NLGN1: variants seen among roughly 807,000 people sequenced by gnomAD.
NLGN1 encodes the protein neuroligin 1.
In NLGN1, 12 loss-of-function variants were observed where a neutral mutation model predicts 65.5. The ratio of observed to expected loss-of-function variants is 0.18; its 90% CI spans 0.12 to 0.30. The LOEUF (loss-of-function observed/expected upper bound fraction) is 0.30. NLGN1 is among the 10% of genes least tolerant of loss of function. The probability of loss-of-function intolerance (pLI) is 1.00; values close to 1 mark genes in which losing one functional copy is unlikely to be tolerated. For missense variants in NLGN1, 750 were observed against 1,007.1 expected (o/e 0.74, Z 3.46); for synonymous variants, 350 against 359.5 (o/e 0.97, Z 0.30).
chr3:173,483,142 A>G (rs1411062542), intron 2 of NLGN1, among the ~76,000 whole-genome samples: 2 of 152,008 alleles, frequency 1.3e-5, no homozygotes, highest in African/African-American at 4.8e-5. Flanking sequence ...AAGCTCCTCA[A>G]TAATTGAACA....
At chr3:174,024,154 A>AAC (rs1728357480) in intron 4 of NLGN1, among the ~76,000 whole-genome samples, 1 of 151,528 alleles carries the variant, frequency 6.6e-6, no homozygotes, top group South Asian at 2.1e-4. Flanking sequence ...AAAAAAAAAA[A>AAC]AAAAAAAAAA....
intron 2 of NLGN1, among the ~76,000 whole-genome samples, chr3:173,524,086 A>T (rs1309608059): frequency 1.4e-5 from 2 of 146,282 alleles, no homozygotes; most frequent in African/African-American, 4.9e-5. Flanking sequence ...ACGCTCAGCT[A>T]ATTTTTTTTT....
chr3:173,889,711 A>G (rs1257827007), intron 4 of NLGN1, among the ~76,000 whole-genome samples: 1 of 152,156 alleles, frequency 6.6e-6, no homozygotes, highest in Middle Eastern at 3.2e-3. Context: ...CGACCATGAT[A>G]GTTGTTTGCC....
intron 4 of NLGN1, among the ~76,000 whole-genome samples, chr3:174,096,158 G>T (rs1745482267): frequency 6.6e-6 from 1 of 150,516 alleles, no homozygotes; most frequent in Admixed American, 6.6e-5. Flanking sequence ...AGACAAAAAT[G>T]GAATTAATGT....
intron 4 of NLGN1, among the ~76,000 whole-genome samples, chr3:174,110,907 T>TCCTCACC (rs2152617018): frequency 6.6e-6 from 1 of 152,056 alleles, no homozygotes; most frequent in Non-Finnish European, 1.5e-5. Context: ...GAACAATCTC[T>TCCTCACC]CTATGGCCTT....
chr3:173,534,868 T>G (rs984927478), intron 2 of NLGN1, among the ~76,000 whole-genome samples: 2 of 152,208 alleles, frequency 1.3e-5, no homozygotes, highest in Admixed American at 1.3e-4. Context: ...CCCTGCAACA[T>G]TCAACATAAA....
At chr3:174,033,864 A>T (rs1177114678) in intron 4 of NLGN1, among the ~76,000 whole-genome samples, 1 of 152,154 alleles carries the variant, frequency 6.6e-6, no homozygotes, top group African/African-American at 2.4e-5. Context: ...GGGAAGAAAG[A>T]GAGAATGGAG....
chr3:173,945,572 TA>T (rs1230740606), intron 4 of NLGN1, among the ~76,000 whole-genome samples: 1 of 152,196 alleles, frequency 6.6e-6, no homozygotes, highest in African/African-American at 2.4e-5. Context: ...TTTTCCCCTG[TA>T]AGAAATATGT....
intron 4 of NLGN1, among the ~76,000 whole-genome samples, chr3:174,131,264 TAG>T (rs1401871238): frequency 2.6e-5 from 4 of 152,196 alleles, no homozygotes; most frequent in Non-Finnish European, 1.5e-5. Flanking sequence ...CTGACAATAA[TAG>T]ACTTTTTATG....
At chr3:173,772,201 T>A (rs1322905829) in intron 3 of NLGN1, among the ~76,000 whole-genome samples, 4 of 152,318 alleles carry the variant, frequency 2.6e-5, no homozygotes, top group African/African-American at 9.6e-5. Flanking sequence ...TTACCTTTAA[T>A]AGTGTATGGT....
chr3:173,917,232 A>G (rs1341280801), intron 4 of NLGN1, among the ~76,000 whole-genome samples: 2 of 152,230 alleles, frequency 1.3e-5, no homozygotes, highest in African/African-American at 2.4e-5. Flanking sequence ...TAATAAAGGA[A>G]GATTACAAAG....
At chr3:173,858,895 G>A (rs73035414) in intron 4 of NLGN1, among the ~76,000 whole-genome samples, 2,353 of 152,056 alleles carry the variant, frequency 0.015, 65 homozygotes, top group African/African-American at 0.051. Context: ...TCACAACCAT[G>A]GAAACCACAT....
At chr3:173,445,836 C>T (rs1720167310) in intron 2 of NLGN1, among the ~76,000 whole-genome samples, 1 of 152,162 alleles carries the variant, frequency 6.6e-6, no homozygotes, top group African/African-American at 2.4e-5. Context: ...CACTGACCAA[C>T]CTCAGATAAG....
chr3:173,787,276 A>C (rs1782142725), intron 3 of NLGN1, among the ~76,000 whole-genome samples: 1 of 152,224 alleles, frequency 6.6e-6, no homozygotes, highest in Admixed American at 6.5e-5. Context: ...TTTAAATTTT[A>C]ATACAGCTGT....
At chr3:173,681,412 A>G (rs1763923895) in intron 3 of NLGN1, among the ~76,000 whole-genome samples, 1 of 152,124 alleles carries the variant, frequency 6.6e-6, no homozygotes, top group Admixed American at 6.6e-5. Context: ...ACTCTAAATA[A>G]TATATCTCTG....
chr3:174,138,894 A>C (rs1211446070), intron 4 of NLGN1, among the ~76,000 whole-genome samples: 1 of 152,216 alleles, frequency 6.6e-6, no homozygotes, highest in Non-Finnish European at 1.5e-5. Flanking sequence ...TGAAGGTAAA[A>C]AAATTAAATT....
chr3:174,266,224 G>T (rs1218215275), intron 4 of NLGN1, among the ~76,000 whole-genome samples: 2 of 151,986 alleles, frequency 1.3e-5, no homozygotes, highest in African/African-American at 2.4e-5. Context: ...CCACCCTGAA[G>T]TAGGCCCTGG....
At chr3:173,428,598 T>C (rs542214859) in intron 1 of NLGN1, among the ~76,000 whole-genome samples, 2 of 152,208 alleles carry the variant, frequency 1.3e-5, no homozygotes, top group East Asian at 1.9e-4. Context: ...TTTATCTTTA[T>C]ATATTCCTAT....
chr3:173,932,008 A>AT (rs1270310092), intron 4 of NLGN1, among the ~76,000 whole-genome samples: 1 of 151,430 alleles, frequency 6.6e-6, no homozygotes, highest in Non-Finnish European at 1.5e-5. Flanking sequence ...TTTTGTTTTA[A>AT]TTTTTTTTCT....
Sources: allele counts gnomAD v4.1 joint callset (sites outside exome capture counted in the v4.1 genomes callset), GRCh38; gene constraint gnomAD v4.1.1; transcripts MANE v1.5; gene names NCBI Gene and HGNC (gene_info 2026-07-23, HGNC 2026-07-21).